Variants in WDR89 observed in about 807,000 individuals in gnomAD.
The protein encoded by WDR89 is WD repeat-containing protein 89.
Under a neutral mutation model 29.1 loss-of-function variants are expected in WDR89, and 17 were observed. The observed-to-expected ratio is 0.58, with a 90% CI of 0.40 to 0.88. WDR89 has a LOEUF of 0.88. WDR89 is among the 40% of genes least tolerant of loss of function. The pLI, the probability that WDR89 is intolerant of heterozygous loss-of-function variation, is 0.00. For missense variants in WDR89, 396 were observed against 456.3 expected (o/e 0.87, Z 1.20); for synonymous variants, 138 against 157.8 (o/e 0.87, Z 0.94).
intron 1 of WDR89, among the ~76,000 whole-genome samples, chr14:63,631,549 TTTTTTAATTTTTAGTAGAGATGAGGTC>T (rs1010636472): frequency 6.6e-6 from 1 of 151,974 alleles, no homozygotes; most frequent in Non-Finnish European, 1.5e-5. Context: ...AAAAAAATTT[TTTTTTAATTTTTAGTAGAGATGAGGTC>T]TTGCTATGTT....
chr14:63,626,172 A>G (rs1003680265), intron 1 of WDR89, among the ~76,000 whole-genome samples: 7 of 152,270 alleles, frequency 4.6e-5, no homozygotes, highest in East Asian at 3.9e-4. Flanking sequence ...AAAGTGAGAG[A>G]CCTGATTAGA....
intron 2 of WDR89, among the ~76,000 whole-genome samples, chr14:63,611,702 C>T (rs1036581300): frequency 6.6e-6 from 1 of 150,994 alleles, no homozygotes; most frequent in Non-Finnish European, 1.5e-5. Flanking sequence ...TTATCCCCCC[C>T]AAAAAAAAAT....
At chr14:63,627,146 ACACACT>A (rs1350238156) in intron 1 of WDR89, among the ~76,000 whole-genome samples, 34 of 130,576 alleles carry the variant, frequency 2.6e-4, no homozygotes, top group South Asian at 1.4e-3. Context: ...ACACACACAC[ACACACT>A]CTCTCTCTCT....
At chr14:63,604,503 T>C (rs1037693718) in intron 2 of WDR89, among the ~76,000 whole-genome samples, 2 of 152,200 alleles carry the variant, frequency 1.3e-5, no homozygotes, top group African/African-American at 4.8e-5. Flanking sequence ...CACCCAAACA[T>C]GTACCACCTA....
At chr14:63,609,129 A>AT (rs1881793175) in intron 2 of WDR89, among the ~76,000 whole-genome samples, 1 of 151,910 alleles carries the variant, frequency 6.6e-6, no homozygotes, top group African/African-American at 2.4e-5. Context: ...AAACCCAAAA[A>AT]AACAAAAACG....
chr14:63,614,642 G>C (rs1341056364), intron 2 of WDR89, among the ~76,000 whole-genome samples: 1 of 152,170 alleles, frequency 6.6e-6, no homozygotes, highest in African/African-American at 2.4e-5. Flanking sequence ...GGGATAAAAA[G>C]CATACACTGG....
rs1435199470 is a variant in WDR89, at chr14:63,598,074, G to A, written c.*705C>T. 2.6e-5 allele frequency: 4 copies of A among 152,176 alleles called. No homozygotes were observed. Among genetic ancestry groups the A allele is most frequent in the African/African-American group, 9.7e-5 (4 of 41,448 alleles). The allele number at this position is 152,176 out of a possible 1,614,324, so 9.4% of individuals were successfully genotyped here. On this transcript the variant is annotated 3_prime_UTR_variant, in exon 3 of 3. Coordinates refer to ENST00000620954, the MANE Select transcript of WDR89 (RefSeq NM_080666.4). ...CCTCAGATTTATGGTTTGGACAACA[G>A]GAAGAATAGCAATTTCTCCAAGTCG...
At chr14:63,636,226 C>A (rs1311218801) in intron 1 of WDR89, among the ~76,000 whole-genome samples, 6 of 151,974 alleles carry the variant, frequency 3.9e-5, no homozygotes, top group African/African-American at 1.5e-4. Context: ...GTCAAAAGAC[C>A]TCTACAAGGA....
Position 63,637,033 on chromosome 14 carries a change from T to C in WDR89, c.-138+4771A>G, listed in dbSNP as rs571815638. Among the ~76,000 whole-genome samples, 102 of 151,878 alleles carry C rather than the reference T, an allele frequency of 6.7e-4. 1 individual carries two copies. The highest frequency in any genetic ancestry group is 3.4e-3 in the Middle Eastern group (1 of 294). ...CTATACATCTGACAAAGGACTAATA[T>C]CCAGCATCTACAACGAACTCAAATC... On this transcript the variant is annotated intron_variant, in intron 1 of 2. Transcript: ENST00000620954.
chr14:63,598,678 C>T lies in WDR89; in HGVS notation c.*101G>A, dbSNP rs1182986674. 9.1e-7 allele frequency: 1 copy of T among 1,094,534 alleles called. No homozygotes were observed. Among genetic ancestry groups the T allele is most frequent in the Non-Finnish European group, 1.2e-6 (1 of 815,408 alleles). The allele number at this position is 1,094,534 out of a possible 1,614,324, so 67.8% of individuals were successfully genotyped here. A position where few individuals can be genotyped will look rare whatever the true frequency, so the allele number is the denominator to read the frequency against. On this transcript the variant is annotated 3_prime_UTR_variant, in exon 3 of 3. Transcript: ENST00000620954. ...TTTTCCAGGACTGTTTGCTAACTGG[C>T]TTGTTTTTACATAAAGCTTTAAACA...
At chr14:63,637,674 A>G (rs1236431962) in intron 1 of WDR89, among the ~76,000 whole-genome samples, 1 of 152,180 alleles carries the variant, frequency 6.6e-6, no homozygotes, top group East Asian at 1.9e-4. Context: ...GAGACTGGAG[A>G]CTATTATTCT....
In WDR89 at chr14:63,598,909, A is replaced by T; in HGVS notation, c.1034T>A (p.Leu345Ter). 1 of 1,614,210 alleles carries T rather than the reference A, an allele frequency of 6.2e-7. No homozygotes were observed. The highest frequency in any genetic ancestry group is 8.5e-7 in the Non-Finnish European group (1 of 1,180,030). ...SLLTGGEDAQLLLWKPGAIEK... is the reference protein window; with the variant it reads ...SLLTGGEDAQ ...TATAGCTCCAGGTTTCCAAAGTAAC[A>T]ACTGTGCATCTTCTCCTCCAGTCAA... Residue 345 changes from leucine (L) to a stop codon, truncating the protein, a stop_gained, in exon 3 of 3, where the codon TTG becomes TAG. Transcript: ENST00000620954. LOFTEE classifies it high-confidence loss of function.
At chr14:63,631,496 G>C (rs908626267) in intron 1 of WDR89, among the ~76,000 whole-genome samples, 1 of 151,718 alleles carries the variant, frequency 6.6e-6, no homozygotes, top group Non-Finnish European at 1.5e-5. Flanking sequence ...CTTCCAAGTA[G>C]CTGAAAATAC....
At chr14:63,633,590 T>C (rs1334026570) in intron 1 of WDR89, among the ~76,000 whole-genome samples, 2 of 152,214 alleles carry the variant, frequency 1.3e-5, no homozygotes, top group South Asian at 2.1e-4. Context: ...TACGTTGAAA[T>C]AGAAATCAAA....
intron 2 of WDR89, among the ~76,000 whole-genome samples, chr14:63,621,440 A>G (rs1882688601): frequency 6.6e-6 from 1 of 152,034 alleles, no homozygotes; most frequent in South Asian, 2.1e-4. Context: ...TCTACTAAAA[A>G]TACATAAATT....
intron 2 of WDR89, among the ~76,000 whole-genome samples, chr14:63,600,551 T>TA (rs1046165572): frequency 1.3e-5 from 2 of 151,032 alleles, no homozygotes; most frequent in Non-Finnish European, 1.5e-5. Flanking sequence ...AGTAAGAGAA[T>TA]AAAAAACATG....
At chr14:63,601,338 C>A (rs1248016130) in intron 2 of WDR89, among the ~76,000 whole-genome samples, 1 of 151,402 alleles carries the variant, frequency 6.6e-6, no homozygotes, top group Non-Finnish European at 1.5e-5. Flanking sequence ...TGAACCTAGG[C>A]ATTCTGGCTT....
At chr14:63,609,220 T>A (rs923122505) in intron 2 of WDR89, among the ~76,000 whole-genome samples, 8 of 152,110 alleles carry the variant, frequency 5.3e-5, no homozygotes, top group African/African-American at 1.9e-4. Context: ...AAAGAAAATA[T>A]GCAACAAATA....
intron 2 of WDR89, among the ~76,000 whole-genome samples, chr14:63,620,429 G>C (rs970753274): frequency 6.6e-6 from 1 of 152,140 alleles, no homozygotes; most frequent in Non-Finnish European, 1.5e-5. Context: ...ACCCATGGAA[G>C]CAGACAGTAG....
Sources: allele counts gnomAD v4.1 joint callset (sites outside exome capture counted in the v4.1 genomes callset), GRCh38; gene constraint gnomAD v4.1.1; transcripts MANE v1.5; gene names NCBI Gene and HGNC (gene_info 2026-07-23, HGNC 2026-07-21).